Variants in STRN3 observed in about 807,000 individuals in gnomAD.
STRN3 encodes the protein striatin-3.
Under a neutral mutation model 95.6 loss-of-function variants are expected in STRN3, and 29 were observed. The observed-to-expected ratio is 0.30, with a 90% CI of 0.23 to 0.41. STRN3 has a LOEUF of 0.41. Ranked by LOEUF, STRN3 falls within the 10% of genes least tolerant of loss-of-function variation. The probability of loss-of-function intolerance (pLI) is 1.00; values close to 1 mark genes in which losing one functional copy is unlikely to be tolerated. For missense variants in STRN3, 890 were observed against 972.1 expected, an observed-to-expected ratio of 0.92 and a Z score of 1.12; for synonymous variants, 331 against 357.6, an observed-to-expected ratio of 0.93 and a Z score of 0.84.
chr14:30,919,440 G>T (rs1896826911), intron 8 of STRN3, among the ~76,000 whole-genome samples: 2 of 151,604 alleles, frequency 1.3e-5, no homozygotes, highest in South Asian at 2.1e-4. Flanking sequence ...GACACAGAAG[G>T]TATCATTAAA....
chr14:30,926,035 AAG>A (rs1421535722), intron 8 of STRN3, among the ~76,000 whole-genome samples: 1 of 152,132 alleles, frequency 6.6e-6, no homozygotes, highest in Non-Finnish European at 1.5e-5. Context: ...CAGAAAAAAA[AAG>A]AAAGTTTTTA....
chr14:30,919,103 G>T lies in STRN3; in HGVS notation c.1103C>A (p.Ala368Asp). The T allele has an allele frequency of 6.2e-7, 1 of 1,600,614 alleles. No individual in the cohort carries two copies. The highest frequency in any genetic ancestry group is 8.5e-7 in the Non-Finnish European group (1 of 1,172,390). Residue 368 changes from alanine (A) to aspartate (D), a missense_variant, in exon 9 of 18, where the codon GCC (alanine) becomes GAC (aspartate). By Grantham distance (126) the Ala-to-Asp change is moderately radical. Coordinates refer to ENST00000357479, the MANE Select transcript of STRN3 (RefSeq NM_001083893.2). ...ERKGKKGVKR[A>D]NRTKLYDMIA... Reference sequence around the variant, plus strand: ...CATGTCGTAGAGTTTTGTCCTGTTGGCCCCTGTAAATTAATGTCAGCAGTA... The same window carrying T: ...CATGTCGTAGAGTTTTGTCCTGTTGTCCCCTGTAAATTAATGTCAGCAGTA...
At chr14:30,928,948 G>C (rs563480668) in intron 8 of STRN3, among the ~76,000 whole-genome samples, 46 of 152,112 alleles carry the variant, frequency 3.0e-4, no homozygotes, top group Admixed American at 7.2e-4. Flanking sequence ...ATTTGGTAAA[G>C]TTTTTAAAGC....
chr14:30,904,368 G>A (rs982492243), intron 15 of STRN3, among the ~76,000 whole-genome samples: 1 of 152,080 alleles, frequency 6.6e-6, no homozygotes, highest in Admixed American at 6.5e-5. Context: ...TACCTGCAAT[G>A]GATCAAAACA....
intron 1 of STRN3, among the ~76,000 whole-genome samples, chr14:30,964,837 T>G (rs757575169): frequency 1.3e-5 from 2 of 151,912 alleles, no homozygotes; most frequent in Non-Finnish European, 2.9e-5. Context: ...GGAGAATCAC[T>G]TGAACTCGGA....
At chr14:30,918,703 T>C (rs555492125) in intron 9 of STRN3, among the ~76,000 whole-genome samples, 1 of 152,226 alleles carries the variant, frequency 6.6e-6, no homozygotes, top group African/African-American at 2.4e-5. Context: ...TAGCTAAAAT[T>C]AGATTTAAGA....
At chr14:30,981,905 G>A (rs1187452061) in intron 1 of STRN3, among the ~76,000 whole-genome samples, 3 of 151,912 alleles carry the variant, frequency 2.0e-5, no homozygotes, top group African/African-American at 7.3e-5. Flanking sequence ...GACCAGCCTG[G>A]CCAACATGGT....
At chr14:30,966,958 A>C (rs1379779497) in intron 1 of STRN3, among the ~76,000 whole-genome samples, 1 of 151,996 alleles carries the variant, frequency 6.6e-6, no homozygotes, top group African/African-American at 2.4e-5. Context: ...TCAACCTCCC[A>C]GGACAAGCAG....
chr14:31,026,191 G>T lies in STRN3; in HGVS notation c.-6C>A, dbSNP rs768849052. On this transcript the variant is annotated 5_prime_UTR_variant, in exon 1 of 18. Transcript: ENST00000357479. ...CCTCCGGCAAGCTCGTCCATTGTGT[G>T]TGGGGCCCCGGCCGGGGCGCAGGGC... is the stretch of plus-strand genomic sequence containing the variant. 1.4e-4 allele frequency: 196 copies of T among 1,429,906 alleles called. No homozygotes were observed. The highest frequency in any genetic ancestry group is 1.7e-4 in the Non-Finnish European group (192 of 1,101,962). The allele number at this position is 1,429,906 out of a possible 1,614,324, so 88.6% of individuals were successfully genotyped here.
intron 1 of STRN3, among the ~76,000 whole-genome samples, chr14:30,978,481 T>G (rs936948558): frequency 2.0e-5 from 3 of 152,198 alleles, no homozygotes; most frequent in Non-Finnish European, 2.9e-5. Context: ...ATAAAGGATA[T>G]CTATGAAAAA....
At chr14:30,961,035 G>A (rs184905344) in intron 1 of STRN3, among the ~76,000 whole-genome samples, 168 of 151,994 alleles carry the variant, frequency 1.1e-3, no homozygotes, top group Non-Finnish European at 2.0e-3. Flanking sequence ...TCAGATTAAG[G>A]GGAGATTTCT....
chr14:30,945,166 G>C (rs1347212957), intron 5 of STRN3, among the ~76,000 whole-genome samples: 1 of 152,114 alleles, frequency 6.6e-6, no homozygotes, highest in Non-Finnish European at 1.5e-5. Context: ...ACAATAACAA[G>C]TGTTGATGAG....
At chr14:30,900,364 A>C (rs1896274002) in intron 16 of STRN3, among the ~76,000 whole-genome samples, 1 of 150,338 alleles carries the variant, frequency 6.7e-6, no homozygotes, top group Non-Finnish European at 1.5e-5. Context: ...CATCTCAAAA[A>C]AAAAAAAAAA....
intron 1 of STRN3, among the ~76,000 whole-genome samples, chr14:30,978,175 T>A (rs1432888605): frequency 6.6e-6 from 1 of 152,178 alleles, no homozygotes; most frequent in East Asian, 1.9e-4. Context: ...AGCATTATCC[T>A]AATACCAAAA....
Position 30,894,933 on chromosome 14 carries a change from A to G in STRN3, c.*478T>C. On this transcript the variant is annotated 3_prime_UTR_variant, in exon 18 of 18. Coordinates refer to ENST00000357479, the MANE Select transcript of STRN3 (RefSeq NM_001083893.2). Reference sequence around the variant, plus strand: ...TAAAGCAAAATAAGTTTAAAAGGGAATCTGTGGCATTCAACCGATAAACAG... The same window carrying G: ...TAAAGCAAAATAAGTTTAAAAGGGAGTCTGTGGCATTCAACCGATAAACAG... 1 of 1,113,836 alleles carries G rather than the reference A, an allele frequency of 9.0e-7. No individual in the cohort carries two copies. The highest frequency in any genetic ancestry group is 1.1e-6 in the Non-Finnish European group (1 of 878,240). 69.0% of individuals were successfully genotyped at this position (1,113,836 alleles called of 1,614,324 possible).
chr14:31,008,621 A>G (rs1882827327), intron 1 of STRN3, among the ~76,000 whole-genome samples: 1 of 152,248 alleles, frequency 6.6e-6, no homozygotes, highest in African/African-American at 2.4e-5. Flanking sequence ...TTTAAATATA[A>G]GTAAATATCA....
At chr14:31,018,764 C>A in intron 1 of STRN3, 1 of 471,406 alleles carries the variant, frequency 2.1e-6, no homozygotes, top group South Asian at 1.6e-5. Context: ...TTGCTCAAAT[C>A]AATAGCAAAG....
At chr14:30,962,397 T>C (rs1488795121) in intron 1 of STRN3, among the ~76,000 whole-genome samples, 1 of 152,182 alleles carries the variant, frequency 6.6e-6, no homozygotes, top group Admixed American at 6.5e-5. Flanking sequence ...AGTCTAAGTA[T>C]ACAGTGTTTA....
chr14:30,944,621 AT>A (rs58239655), intron 5 of STRN3, among the ~76,000 whole-genome samples: 53,688 of 115,486 alleles, frequency 0.46, 12,270 homozygotes, highest in African/African-American at 0.58. Context: ...ATATATACAC[AT>A]TTTTTTTTTT....
Sources: allele counts gnomAD v4.1 joint callset (sites outside exome capture counted in the v4.1 genomes callset), GRCh38; gene constraint gnomAD v4.1.1; transcripts MANE v1.5; gene names NCBI Gene and HGNC (gene_info 2026-07-23, HGNC 2026-07-21).